The following SHISA9 variants were observed in gnomAD, a reference collection of about 807,000 sequenced individuals.
SHISA9 encodes the protein shisa family member 9, also known as protein shisa-9.
A neutral mutation model predicts 38.0 loss-of-function variants in SHISA9; 13 were observed. That is an observed-to-expected ratio of 0.34 (90% CI 0.22 to 0.54). The LOEUF is 0.54. Among genes scored for constraint, SHISA9 ranks in the 20% least tolerant of loss-of-function variants. SHISA9 has a pLI of 0.91. For synonymous variants in SHISA9, 275 were observed against 242.0 expected, an observed-to-expected ratio of 1.14 and a Z score of -1.27; for missense variants, 538 against 575.8, an observed-to-expected ratio of 0.93 and a Z score of 0.67.
chr16:13,164,635 A>G (rs932254156), intron 2 of SHISA9, among the ~76,000 whole-genome samples: 3 of 152,112 alleles, frequency 2.0e-5, no homozygotes, highest in African/African-American at 7.2e-5. Flanking sequence ...TATGCTATAA[A>G]TTAGCCTCTA....
At chr16:12,905,471 T>G (rs1042807824) in intron 1 of SHISA9, among the ~76,000 whole-genome samples, 1 of 152,140 alleles carries the variant, frequency 6.6e-6, no homozygotes, top group Non-Finnish European at 1.5e-5. Context: ...GGCTTTGAGA[T>G]AAAGTGGTCC....
intron 1 of SHISA9, among the ~76,000 whole-genome samples, chr16:12,916,011 G>GTTTTTT (rs34050190): frequency 3.9e-4 from 35 of 90,442 alleles, no homozygotes; most frequent in Non-Finnish European, 4.8e-4. Context: ...GTGTGTGTGT[G>GTTTTTT]TTTTTTTTTT....
the SHISA9 span, among the ~76,000 whole-genome samples, chr16:13,306,734 G>A: frequency 1.3e-5 from 2 of 152,148 alleles, no homozygotes; most frequent in African/African-American, 4.8e-5. Flanking sequence ...GAGCAAGAGA[G>A]TAACCAGGAA....
chr16:13,079,586 T>A (rs1426770714), intron 2 of SHISA9, among the ~76,000 whole-genome samples: 1 of 152,200 alleles, frequency 6.6e-6, no homozygotes, highest in African/African-American at 2.4e-5. Flanking sequence ...CTTGTGCCAA[T>A]CATAAACACC....
intron 2 of SHISA9, among the ~76,000 whole-genome samples, chr16:13,021,537 C>T (rs2072854013): frequency 6.6e-6 from 1 of 152,160 alleles, no homozygotes; most frequent in Non-Finnish European, 1.5e-5. Context: ...CGTGGCTCAA[C>T]CCATGTACCT....
chr16:13,553,014 C>T, the SHISA9 span, among the ~76,000 whole-genome samples: 1 of 152,058 alleles, frequency 6.6e-6, no homozygotes, highest in Non-Finnish European at 1.5e-5. Context: ...CAATGCTGGC[C>T]TCTGCAATCT....
chr16:13,284,553 C>G, the SHISA9 span, among the ~76,000 whole-genome samples: 1 of 152,116 alleles, frequency 6.6e-6, no homozygotes, highest in Non-Finnish European at 1.5e-5. Flanking sequence ...CTGGTCAGCT[C>G]TTTCTTTAGC....
the SHISA9 span, among the ~76,000 whole-genome samples, chr16:13,366,392 T>C: frequency 1.3e-5 from 2 of 152,240 alleles, no homozygotes; most frequent in African/African-American, 4.8e-5. Flanking sequence ...TTAGTAAATA[T>C]ATTTCAAACT....
intron 2 of SHISA9, among the ~76,000 whole-genome samples, chr16:13,038,938 C>G (rs1221314204): frequency 6.6e-6 from 1 of 152,162 alleles, no homozygotes. Flanking sequence ...GAGACAGAGT[C>G]TCACTCTGTT....
chr16:13,144,042 G>A (rs893223348), intron 2 of SHISA9, among the ~76,000 whole-genome samples: 4 of 152,106 alleles, frequency 2.6e-5, no homozygotes, highest in Non-Finnish European at 4.4e-5. Context: ...CATGGTCAAT[G>A]TCTTTTTCTT....
intron 4 of SHISA9, among the ~76,000 whole-genome samples, chr16:13,226,084 ATTC>A (rs539536271): frequency 1.7e-3 from 266 of 152,324 alleles, no homozygotes; most frequent in African/African-American, 6.0e-3. Context: ...TGAATCTGTT[ATTC>A]TTTTGCAAGT....
At chr16:13,082,992 G>T (rs550181291) in intron 2 of SHISA9, among the ~76,000 whole-genome samples, 1 of 152,134 alleles carries the variant, frequency 6.6e-6, no homozygotes, top group Admixed American at 6.5e-5. Flanking sequence ...CTCCAGGTTT[G>T]CCTGGAGTTT....
the SHISA9 span, among the ~76,000 whole-genome samples, chr16:13,333,824 C>T: frequency 2.0e-5 from 3 of 152,232 alleles, no homozygotes; most frequent in Non-Finnish European, 2.9e-5. Context: ...CTCCAGTGCC[C>T]CTGCTTGCCG....
the SHISA9 span, among the ~76,000 whole-genome samples, chr16:13,444,212 A>C: frequency 6.6e-6 from 1 of 152,170 alleles, no homozygotes; most frequent in Non-Finnish European, 1.5e-5. Flanking sequence ...CTTTACAAAA[A>C]ATATGAAAAT....
In SHISA9 at chr16:13,187,907, A is replaced by C. The variant is rs539171091; in HGVS notation, c.692-15487A>C. Among the ~76,000 whole-genome samples the C allele has an allele frequency of 2.0e-5, 3 of 152,250 alleles. No homozygotes were observed. In the South Asian group the frequency reaches 6.2e-4, roughly 32 times the overall value. The stretch of plus-strand genomic sequence containing the variant: ...GTGAACATTTCATGAATAAAGCCTG[A>C]TATGGGATTGTCTACAGGTTCCTCC... On this transcript the variant is annotated intron_variant, in intron 2 of 4. Transcript: ENST00000558583.
intron 2 of SHISA9, among the ~76,000 whole-genome samples, chr16:13,166,127 A>C (rs2050633555): frequency 6.6e-6 from 1 of 152,198 alleles, no homozygotes; most frequent in Non-Finnish European, 1.5e-5. Context: ...TGTTTTATTA[A>C]CTTCCATTTC....
At chr16:13,555,723 C>T in the SHISA9 span, among the ~76,000 whole-genome samples, 1 of 152,122 alleles carries the variant, frequency 6.6e-6, no homozygotes, top group Non-Finnish European at 1.5e-5. Flanking sequence ...TTAAGGCTAC[C>T]TACTAGACTG....
At chr16:12,982,325 T>C (rs1183685280) in intron 2 of SHISA9, among the ~76,000 whole-genome samples, 1 of 152,258 alleles carries the variant, frequency 6.6e-6, no homozygotes, top group Non-Finnish European at 1.5e-5. Flanking sequence ...ATATGCCAAG[T>C]GCACAGCTAG....
At chr16:13,494,837 T>C in the SHISA9 span, among the ~76,000 whole-genome samples, 531 of 152,298 alleles carry the variant, frequency 3.5e-3, 6 homozygotes, top group East Asian at 0.067. Flanking sequence ...TTATTCACGA[T>C]AGCAAAAAAC....
Sources: gnomAD v4.1 joint callset for allele counts (sites outside exome capture counted in the v4.1 genomes callset) on GRCh38, gnomAD v4.1.1 for gene constraint, MANE v1.5 for transcripts, NCBI Gene and HGNC (gene_info 2026-07-23, HGNC 2026-07-21) for gene names.